The following WNK1 variants were observed in gnomAD, a reference collection of about 807,000 sequenced individuals.
WNK1 encodes serine/threonine-protein kinase WNK1.
A neutral mutation model predicts 222.8 loss-of-function variants in WNK1; 38 were observed. That is an observed-to-expected ratio of 0.17 (90% CI 0.13 to 0.22). WNK1 has a LOEUF of 0.22. WNK1 is among the 10% of genes least tolerant of loss of function. The pLI, the probability that WNK1 is intolerant of heterozygous loss-of-function variation, is 1.00. For missense variants in WNK1, 2,348 were observed against 2,918.4 expected (o/e 0.80, Z 4.50); for synonymous variants, 1,090 against 1,092.9 (o/e 1.00, Z 0.05).
In WNK1 at chr12:859,458, A is replaced by G. The variant is rs761875385; in HGVS notation, c.1614A>G (p.Gln538=). The G allele has an allele frequency of 6.2e-7, 1 of 1,609,290 alleles. No individual in the cohort carries two copies. The highest frequency in any genetic ancestry group is 8.5e-7 in the Non-Finnish European group (1 of 1,176,944). ...GAGATGTCCCAGAAGATGTTGCACA[A>G]GAAATGGTAAATTGACATTAGCCAT... ...LERDVPEDVA[Q]EMVESGYVCE... The change falls in exon 6 of 28, where the codon CAA becomes CAG. Residue 538 remains glutamine (Q), a synonymous_variant. Transcript: ENST00000315939.
intron 1 of WNK1, among the ~76,000 whole-genome samples, chr12:789,534 C>CTTTTT (rs34511181): frequency 5.1e-5 from 6 of 117,742 alleles, no homozygotes; most frequent in East Asian, 2.2e-4. Flanking sequence ...GGTTATACTC[C>CTTTTT]TTTTTTTTTT....
intron 1 of WNK1, among the ~76,000 whole-genome samples, chr12:755,034 A>G (rs931891141): frequency 6.6e-6 from 1 of 152,198 alleles, no homozygotes; most frequent in Non-Finnish European, 1.5e-5. Flanking sequence ...ATCTTATAAA[A>G]TATCTTTAAG....
chr12:762,346 C>T (rs1318147161), intron 1 of WNK1, among the ~76,000 whole-genome samples: 1 of 147,600 alleles, frequency 6.8e-6, no homozygotes, highest in Non-Finnish European at 1.5e-5. Flanking sequence ...AGGTGTGGCT[C>T]CTCACGTATA....
chr12:848,452 T>C lies in WNK1; in HGVS notation c.1312-8709T>C, dbSNP rs116651707. ...AGAACTTTGATGGTTACTTTTGTAA[T>C]ACAAAAACAATGACTTGTGAGGCAG... On this transcript the variant is annotated intron_variant, in intron 4 of 27. Transcript: ENST00000315939. Among the ~76,000 whole-genome samples the C allele has an allele frequency of 5.6e-3, 776 of 137,430 alleles. 9 individuals are homozygous for C. The highest frequency in any genetic ancestry group is 0.02 in the African/African-American group (747 of 37,858). The allele number at this position is 137,430 out of a possible 152,430, so 90.2% of individuals were successfully genotyped here. A position where few individuals can be genotyped will look rare whatever the true frequency, so the allele number is the denominator to read the frequency against.
intron 4 of WNK1, among the ~76,000 whole-genome samples, chr12:839,193 A>G (rs762354205): frequency 6.6e-5 from 10 of 152,214 alleles, no homozygotes; most frequent in African/African-American, 9.6e-5. Flanking sequence ...ATGAAGATGC[A>G]TGATTTTGAG....
intron 1 of WNK1, among the ~76,000 whole-genome samples, chr12:802,663 A>T (rs1946001014): frequency 6.6e-6 from 1 of 152,204 alleles, no homozygotes; most frequent in African/African-American, 2.4e-5. Context: ...TCTTCTTTGA[A>T]TAACAAAGTT....
intron 1 of WNK1, among the ~76,000 whole-genome samples, chr12:779,900 T>C (rs968112374): frequency 1.3e-5 from 2 of 152,202 alleles, no homozygotes; most frequent in African/African-American, 4.8e-5. Context: ...TTTTGTTTAC[T>C]TCACTGGCTT....
At chr12:873,794 C>T (rs1452329974) in intron 9 of WNK1, among the ~76,000 whole-genome samples, 1 of 152,092 alleles carries the variant, frequency 6.6e-6, no homozygotes, top group Non-Finnish European at 1.5e-5. Flanking sequence ...TTTCAGGTCC[C>T]AATCCCACCT....
intron 3 of WNK1, among the ~76,000 whole-genome samples, chr12:828,322 A>G (rs190829930): frequency 7.6e-4 from 115 of 152,266 alleles, no homozygotes; most frequent in Admixed American, 1.2e-3. Flanking sequence ...AAAAAAAATA[A>G]AAAGAATAAC....
intron 1 of WNK1, among the ~76,000 whole-genome samples, chr12:762,588 G>T (rs1341747417): frequency 6.1e-5 from 9 of 147,262 alleles, no homozygotes; most frequent in Admixed American, 6.1e-4. Flanking sequence ...AGAAAGTAGA[G>T]AGTAACTGAA....
chr12:880,339 C>T (rs779562163), intron 11 of WNK1, among the ~76,000 whole-genome samples: 1 of 152,162 alleles, frequency 6.6e-6, no homozygotes, highest in Non-Finnish European at 1.5e-5. Flanking sequence ...ATAGAATAGC[C>T]AACATGGTAT....
chr12:768,976 AT>A (rs1942121539), intron 1 of WNK1, among the ~76,000 whole-genome samples: 1 of 150,362 alleles, frequency 6.7e-6, no homozygotes, highest in Non-Finnish European at 1.5e-5. Flanking sequence ...CACCCGGCTA[AT>A]TTTTTGTATT....
chr12:847,388 G>A (rs777435077), intron 4 of WNK1, among the ~76,000 whole-genome samples: 6 of 152,062 alleles, frequency 3.9e-5, no homozygotes, highest in Non-Finnish European at 5.9e-5. Flanking sequence ...ATGATTTGAG[G>A]TATACCCTGA....
chr12:843,228 C>T (rs527339633), intron 4 of WNK1, among the ~76,000 whole-genome samples: 6 of 152,320 alleles, frequency 3.9e-5, no homozygotes, highest in East Asian at 3.9e-4. Context: ...TGAGCGACCA[C>T]GCCTGGCCCA....
At chr12:818,200 G>GT (rs1281216548) in intron 2 of WNK1, among the ~76,000 whole-genome samples, 2 of 152,156 alleles carry the variant, frequency 1.3e-5, no homozygotes, top group East Asian at 1.9e-4. Flanking sequence ...GCCAGGCAGC[G>GT]TATTTTTTCT....
rs933098346 is a variant in WNK1, at chr12:910,943, G to T, written c.*2151G>T. 5 of 199,320 alleles carry T rather than the reference G, an allele frequency of 2.5e-5. No homozygotes were observed. Among genetic ancestry groups the T allele is most frequent in the Non-Finnish European group, 5.0e-5 (5 of 99,924 alleles). The allele number at this position is 199,320 out of a possible 1,614,324, so 12.3% of individuals were successfully genotyped here. On this transcript the variant is annotated 3_prime_UTR_variant, in exon 28 of 28. Coordinates refer to ENST00000315939, the MANE Select transcript of WNK1 (RefSeq NM_018979.4). ...AGAGTAAGGATAGAACCAACAAGGGGCTGAGTAGCTGAGAAAGGGGCCACC... is the reference window on the plus strand; with the variant it reads ...AGAGTAAGGATAGAACCAACAAGGGTCTGAGTAGCTGAGAAAGGGGCCACC...
At chr12:888,229 T>C (rs1250503656) in intron 20 of WNK1, among the ~76,000 whole-genome samples, 2 of 152,154 alleles carry the variant, frequency 1.3e-5, no homozygotes, top group Non-Finnish European at 2.9e-5. Flanking sequence ...TTGGTCCCAA[T>C]GTACAGGGGA....
At position 884,500 on chromosome 12, in the gene WNK1, C is replaced by A; in HGVS notation, c.3845-149C>A. On this transcript the variant is annotated intron_variant, in intron 18 of 27. Transcript: ENST00000315939. This position sits in a 1 kb window ranked among gnomAD's most constrained non-coding sequence, Gnocchi z 5.6. Reference sequence around the variant, plus strand: ...ATATTGTAGTATGTGTTTATTTCTGCACTTAGTACTGTTGTCTATGTTTTA... The same window carrying A: ...ATATTGTAGTATGTGTTTATTTCTGAACTTAGTACTGTTGTCTATGTTTTA... The A allele has an allele frequency of 1.1e-6, 1 of 924,102 alleles. No homozygotes were observed. 57.2% of individuals were successfully genotyped at this position (924,102 alleles called of 1,614,324 possible). A position where few individuals can be genotyped will look rare whatever the true frequency, so the allele number is the denominator to read the frequency against.
chr12:899,017 G>A (rs1409290860), intron 25 of WNK1, among the ~76,000 whole-genome samples: 2 of 152,192 alleles, frequency 1.3e-5, no homozygotes, highest in African/African-American at 2.4e-5. Flanking sequence ...TGGGATTACA[G>A]GCGTGAGCCA....
Sources: allele counts gnomAD v4.1 joint callset (sites outside exome capture counted in the v4.1 genomes callset), GRCh38; gene constraint gnomAD v4.1.1; non-coding constraint Gnocchi (gnomAD v3.1); transcripts MANE v1.5; gene names NCBI Gene and HGNC (gene_info 2026-07-23, HGNC 2026-07-21).